CTDSPL: variants seen among roughly 807,000 people sequenced by gnomAD.
CTDSPL encodes CTD small phosphatase-like protein.
CTDSPL carries 8 observed loss-of-function variants against 30.5 expected under a neutral mutation model. The ratio of observed to expected loss-of-function variants is 0.26; its 90% CI spans 0.15 to 0.47. The LOEUF (loss-of-function observed/expected upper bound fraction) is 0.47, where lower values mean the gene tolerates loss of function less well. Ranked by LOEUF, CTDSPL falls within the 20% of genes least tolerant of loss-of-function variation. The pLI is 0.99. For missense variants in CTDSPL, 248 were observed against 366.1 expected (o/e 0.68, Z 2.63); for synonymous variants, 110 against 137.9 (o/e 0.80, Z 1.42).
intron 1 of CTDSPL, among the ~76,000 whole-genome samples, chr3:37,931,874 G>A (rs1339580342): frequency 1.3e-5 from 2 of 151,664 alleles, no homozygotes; most frequent in African/African-American, 4.8e-5. Context: ...TAGTAAATGT[G>A]TGTTCCACAA....
chr3:37,869,979 C>T (rs1698054674), intron 1 of CTDSPL, among the ~76,000 whole-genome samples: 1 of 151,594 alleles, frequency 6.6e-6, no homozygotes, highest in Non-Finnish European at 1.5e-5. Context: ...GTGTATAATT[C>T]TTTCTATATA....
chr3:37,965,443 G>A (rs970447482), intron 4 of CTDSPL, among the ~76,000 whole-genome samples: 1 of 152,180 alleles, frequency 6.6e-6, no homozygotes, highest in Admixed American at 6.5e-5. Context: ...GGCAAATGAT[G>A]AAAAGTTTGG....
intron 1 of CTDSPL, among the ~76,000 whole-genome samples, chr3:37,945,771 A>G (rs1264219750): frequency 1.3e-5 from 2 of 152,236 alleles, no homozygotes; most frequent in Admixed American, 6.5e-5. Context: ...CCATTTGCCC[A>G]AACCTAGGGT....
At chr3:37,951,456 A>G (rs1699107159) in intron 2 of CTDSPL, among the ~76,000 whole-genome samples, 1 of 152,128 alleles carries the variant, frequency 6.6e-6, no homozygotes, top group African/African-American at 2.4e-5. Flanking sequence ...CAGGAGGATC[A>G]CTTCAGCCCA....
chr3:37,936,642 C>T (rs1320731045), intron 1 of CTDSPL, among the ~76,000 whole-genome samples: 2 of 143,362 alleles, frequency 1.4e-5, no homozygotes, highest in Non-Finnish European at 3.0e-5. Context: ...GAAAGAGTTC[C>T]TCCTCTCCCC....
intron 1 of CTDSPL, among the ~76,000 whole-genome samples, chr3:37,927,684 G>GTGTATATATATATATA (rs372845166): frequency 3.6e-4 from 42 of 117,764 alleles, no homozygotes; most frequent in Non-Finnish European, 5.9e-4. Flanking sequence ...GTGTGTATGT[G>GTGTATATATATATATA]TATATATATA....
Position 37,984,074 on chromosome 3 carries a change from C to A in CTDSPL, c.*3207C>A. 1 of 379,700 alleles carries A rather than the reference C, an allele frequency of 2.6e-6. No homozygotes were observed. The highest frequency in any genetic ancestry group is 1.9e-5 in the South Asian group (1 of 52,260). The allele number at this position is 379,700 out of a possible 1,614,324, so 23.5% of individuals were successfully genotyped here. Reference sequence around the variant, plus strand: ...CCACACAGCCCTATGGTCAAACAATCCTACGTTTGTGCCTCTGCTTTTAAA... The same window carrying A: ...CCACACAGCCCTATGGTCAAACAATACTACGTTTGTGCCTCTGCTTTTAAA... On this transcript the variant is annotated 3_prime_UTR_variant, in exon 8 of 8. Coordinates refer to ENST00000273179, the MANE Select transcript of CTDSPL (RefSeq NM_001008392.2).
chr3:37,879,994 A>G (rs1698183813), intron 1 of CTDSPL, among the ~76,000 whole-genome samples: 1 of 151,518 alleles, frequency 6.6e-6, no homozygotes, highest in Non-Finnish European at 1.5e-5. Context: ...CTTGGGATGC[A>G]TGTGTGAATA....
chr3:37,935,834 A>G (rs957482602), intron 1 of CTDSPL, among the ~76,000 whole-genome samples: 33 of 152,152 alleles, frequency 2.2e-4, no homozygotes, highest in African/African-American at 7.7e-4. Context: ...TCCCAGGGAA[A>G]GGTAGGGAGG....
At chr3:37,901,470 C>T (rs184704036) in intron 1 of CTDSPL, among the ~76,000 whole-genome samples, 44 of 152,318 alleles carry the variant, frequency 2.9e-4, no homozygotes, top group African/African-American at 1.1e-3. Flanking sequence ...GAAACAGAGA[C>T]ACCTCTTTGT....
chr3:37,896,678 A>G (rs1698393991), intron 1 of CTDSPL, among the ~76,000 whole-genome samples: 7 of 152,030 alleles, frequency 4.6e-5, no homozygotes, highest in Admixed American at 4.6e-4. Flanking sequence ...AGCTGGAACT[A>G]CAGTCACATA....
rs1699411379 is a variant in CTDSPL, at chr3:37,975,200, A to AGATG, written c.520-506_520-503dup. ...AAGCCAGTGTGGCTCCAGGGGCTCC[A>AGATG]GATGGAGCTCATTCAGCTGTGCCAT... On this transcript the variant is annotated intron_variant, in intron 6 of 7. Coordinates refer to ENST00000273179, the MANE Select transcript of CTDSPL (RefSeq NM_001008392.2). This position sits in a 1 kb window ranked among gnomAD's most constrained non-coding sequence, Gnocchi z 4.9. 6.6e-6 allele frequency among the ~76,000 whole-genome samples: 1 copy of AGATG among 152,228 alleles called. No individual in the cohort carries two copies. The highest frequency in any genetic ancestry group is 2.4e-5 in the African/African-American group (1 of 41,452).
At chr3:37,885,549 G>A (rs186788149) in intron 1 of CTDSPL, among the ~76,000 whole-genome samples, 1 of 152,258 alleles carries the variant, frequency 6.6e-6, no homozygotes, top group East Asian at 1.9e-4. Context: ...TGGGGTAGCA[G>A]GAAGTTTGCT....
intron 5 of CTDSPL, among the ~76,000 whole-genome samples, chr3:37,969,674 C>T (rs560643120): frequency 3.9e-5 from 6 of 152,356 alleles, no homozygotes; most frequent in African/African-American, 1.4e-4. Flanking sequence ...AAGTGGGAGT[C>T]TGCAGCTGTT....
chr3:37,963,085 C>G lies in CTDSPL; in HGVS notation c.268-1486C>G, dbSNP rs6801154. On this transcript the variant is annotated intron_variant, in intron 3 of 7. Transcript: ENST00000273179. ...CCTTTCTAGATCCTCGAATTTCGTG[C>G]CTGTCTCCAAGGCACATCCCCACAT... Among the ~76,000 whole-genome samples the G allele has an allele frequency of 7.1e-3, 1,075 of 152,296 alleles. 14 individuals carry two copies. The highest frequency in any genetic ancestry group is 0.022 in the African/African-American group (909 of 41,544).
intron 3 of CTDSPL, among the ~76,000 whole-genome samples, chr3:37,960,356 A>G (rs1278326034): frequency 6.6e-6 from 1 of 150,960 alleles, no homozygotes; most frequent in African/African-American, 2.4e-5. Flanking sequence ...GGCACATGCC[A>G]GTAATCCCAG....
intron 2 of CTDSPL, among the ~76,000 whole-genome samples, chr3:37,947,981 C>T (rs1699058765): frequency 6.6e-6 from 1 of 152,170 alleles, no homozygotes; most frequent in South Asian, 2.1e-4. Flanking sequence ...TTACTCAGAA[C>T]AGTTAGAAGT....
chr3:37,952,360 C>CA (rs1699119998), intron 2 of CTDSPL, among the ~76,000 whole-genome samples: 1 of 152,220 alleles, frequency 6.6e-6, no homozygotes, highest in Non-Finnish European at 1.5e-5. Context: ...ATGATGCCAT[C>CA]AAGAATCTGT....
At chr3:37,896,471 A>G (rs571312752) in intron 1 of CTDSPL, among the ~76,000 whole-genome samples, 1 of 152,286 alleles carries the variant, frequency 6.6e-6, no homozygotes, top group African/African-American at 2.4e-5. Context: ...TATTCAATAG[A>G]TAGGTAGGAG....
Sources: gnomAD v4.1 joint callset for allele counts (sites outside exome capture counted in the v4.1 genomes callset) on GRCh38, gnomAD v4.1.1 for gene constraint, Gnocchi (gnomAD v3.1) non-coding constraint, MANE v1.5 for transcripts, NCBI Gene and HGNC (gene_info 2026-07-23, HGNC 2026-07-21) for gene names.